REDIC1: variants seen among roughly 807,000 people sequenced by gnomAD.
REDIC1 encodes the protein HEI10 Interacting Protein 1.
the REDIC1 span, among the ~76,000 whole-genome samples, chr12:39,817,966 T>G: frequency 2.6e-5 from 4 of 152,230 alleles, no homozygotes; most frequent in Non-Finnish European, 5.9e-5. Flanking sequence ...TTTTTCTTCA[T>G]TCTATTTTGT....
the REDIC1 span, among the ~76,000 whole-genome samples, chr12:39,709,700 C>A: frequency 1.3e-5 from 2 of 151,566 alleles, no homozygotes; most frequent in Non-Finnish European, 2.9e-5. Flanking sequence ...GAATAGTATT[C>A]AATTGTACGT....
chr12:39,750,737 G>C, the REDIC1 span, among the ~76,000 whole-genome samples: 1 of 152,184 alleles, frequency 6.6e-6, no homozygotes, highest in Non-Finnish European at 1.5e-5. Context: ...GAACAGAACA[G>C]AGCCCTCAGA....
the REDIC1 span, among the ~76,000 whole-genome samples, chr12:39,671,787 T>C: frequency 6.6e-6 from 1 of 152,072 alleles, no homozygotes; most frequent in Non-Finnish European, 1.5e-5. Context: ...GGAAGGAATG[T>C]GCAGATGCCA....
At chr12:39,652,716 T>G in the REDIC1 span, among the ~76,000 whole-genome samples, 2 of 152,128 alleles carry the variant, frequency 1.3e-5, no homozygotes, top group African/African-American at 4.8e-5. Flanking sequence ...TACATGTAGG[T>G]CTATGATTCA....
At chr12:39,828,577 T>G in the REDIC1 span, among the ~76,000 whole-genome samples, 1 of 152,144 alleles carries the variant, frequency 6.6e-6, no homozygotes, top group East Asian at 1.9e-4. Context: ...AACATCTAAT[T>G]TTAGTGTCTC....
At chr12:39,691,086 C>T in the REDIC1 span, among the ~76,000 whole-genome samples, 1 of 152,090 alleles carries the variant, frequency 6.6e-6, no homozygotes, top group Non-Finnish European at 1.5e-5. Context: ...AAACTGGTGG[C>T]TCCCAGTTTA....
chr12:39,902,662 C>T, the REDIC1 span, among the ~76,000 whole-genome samples: 12 of 151,908 alleles, frequency 7.9e-5, no homozygotes, highest in South Asian at 4.1e-4. Context: ...TAAAGGCTAA[C>T]TTTTTCTTTT....
At chr12:39,710,402 A>C in the REDIC1 span, among the ~76,000 whole-genome samples, 1 of 151,780 alleles carries the variant, frequency 6.6e-6, no homozygotes, top group Non-Finnish European at 1.5e-5. Flanking sequence ...TCTCTATCCC[A>C]ATTTCACAGC....
the REDIC1 span, among the ~76,000 whole-genome samples, chr12:39,712,513 G>T: frequency 1.4e-5 from 2 of 140,018 alleles, no homozygotes; most frequent in Admixed American, 7.1e-5. Context: ...ACGTATGTAC[G>T]TATATACACG....
At chr12:39,643,831 T>C in the REDIC1 span, 1 of 1,563,476 alleles carries the variant, frequency 6.4e-7, no homozygotes, top group Non-Finnish European at 8.8e-7. Flanking sequence ...CTGGGAGTTT[T>C]ATCTCCTGTC....
chr12:39,763,701 T>A, the REDIC1 span, among the ~76,000 whole-genome samples: 6 of 152,264 alleles, frequency 3.9e-5, no homozygotes, highest in African/African-American at 7.2e-5. Flanking sequence ...CATGGACTTA[T>A]GAGGATATTA....
chr12:39,868,526 G>A, the REDIC1 span, among the ~76,000 whole-genome samples: 1 of 152,154 alleles, frequency 6.6e-6, no homozygotes, highest in Non-Finnish European at 1.5e-5. Flanking sequence ...AGAAATTCTA[G>A]TTTAGTAGAT....
chr12:39,638,100 CA>C, the REDIC1 span, among the ~76,000 whole-genome samples: 1 of 151,894 alleles, frequency 6.6e-6, no homozygotes, highest in African/African-American at 2.4e-5. Context: ...AACAAACAAA[CA>C]AACAACAACA....
the REDIC1 span, among the ~76,000 whole-genome samples, chr12:39,895,976 G>A: frequency 2.1e-5 from 3 of 144,526 alleles, no homozygotes; most frequent in East Asian, 5.9e-4. Context: ...ATGTGTATAT[G>A]TATACATACA....
At chr12:39,889,720 C>T in the REDIC1 span, among the ~76,000 whole-genome samples, 8 of 151,660 alleles carry the variant, frequency 5.3e-5, no homozygotes, top group Non-Finnish European at 1.0e-4. Context: ...TTTAGAGAGA[C>T]GGGGTTTCAC....
chr12:39,904,373 T>C, the REDIC1 span, among the ~76,000 whole-genome samples: 1 of 152,138 alleles, frequency 6.6e-6, no homozygotes. Flanking sequence ...TTTATATCAG[T>C]GTAGGAAACT....
chr12:39,628,561 G>A, the REDIC1 span, among the ~76,000 whole-genome samples: 4 of 152,170 alleles, frequency 2.6e-5, no homozygotes, highest in Non-Finnish European at 5.9e-5. Context: ...ATATAGACAA[G>A]TGAAGTGATT....
At chr12:39,712,830 TATACATATACAC>T in the REDIC1 span, among the ~76,000 whole-genome samples, 2 of 141,682 alleles carry the variant, frequency 1.4e-5, no homozygotes, top group Non-Finnish European at 1.6e-5. Context: ...TGTGTATGTA[TATACATATACAC>T]GTATATACAC....
chr12:39,671,418 T>C, the REDIC1 span, among the ~76,000 whole-genome samples: 1 of 152,110 alleles, frequency 6.6e-6, no homozygotes, highest in Non-Finnish European at 1.5e-5. Context: ...TGGGCCCCAA[T>C]TGCATGCTGA....
Sources: allele counts gnomAD v4.1 joint callset (sites outside exome capture counted in the v4.1 genomes callset), GRCh38; gene constraint gnomAD v4.1.1; transcripts MANE v1.5; gene names NCBI Gene and HGNC (gene_info 2026-07-23, HGNC 2026-07-21).